Variants in NT5C3A observed in about 807,000 individuals in gnomAD.
The protein encoded by NT5C3A is cytosolic 5'-nucleotidase 3A.
A neutral mutation model predicts 40.0 loss-of-function variants in NT5C3A; 23 were observed. The ratio of observed to expected loss-of-function variants is 0.58; its 90% confidence interval spans 0.41 to 0.81. The LOEUF is 0.81. NT5C3A is among the 40% of genes least tolerant of loss of function. The pLI, the probability that NT5C3A is intolerant of heterozygous loss-of-function variation, is 0.00. For missense variants in NT5C3A, 328 were observed against 403.0 expected (o/e 0.81, Z 1.59); for synonymous variants, 130 against 141.4 (o/e 0.92, Z 0.57).
chr7:33,016,275 G>A (rs1785320867), intron 7 of NT5C3A, among the ~76,000 whole-genome samples: 1 of 151,794 alleles, frequency 6.6e-6, no homozygotes, highest in Non-Finnish European at 1.5e-5. Flanking sequence ...TCGGGAGGCT[G>A]AGGAAGGAGA....
chr7:33,052,853 T>C (rs927944479), intron 1 of NT5C3A, among the ~76,000 whole-genome samples: 3 of 152,212 alleles, frequency 2.0e-5, no homozygotes, highest in Admixed American at 2.0e-4. Context: ...TGATTGTTTG[T>C]CTGGAGTAGG....
At chr7:33,029,724 G>T (rs1786142571) in intron 1 of NT5C3A, 2 of 1,276,742 alleles carry the variant, frequency 1.6e-6, no homozygotes, top group African/African-American at 1.5e-5. Context: ...ACTAACAAAT[G>T]TAAGATTGGT....
intron 1 of NT5C3A, among the ~76,000 whole-genome samples, chr7:33,050,811 T>C (rs1283742726): frequency 6.6e-6 from 1 of 152,226 alleles, no homozygotes; most frequent in African/African-American, 2.4e-5. Context: ...TTAAATTGTA[T>C]AGATTAATGG....
intron 4 of NT5C3A, 27 bp from the exon 5 acceptor site, chr7:33,021,384 T>C: frequency 6.2e-7 from 1 of 1,604,478 alleles, no homozygotes; most frequent in East Asian, 2.2e-5. Context: ...AACTTAATCA[T>C]GAAGATTACT....
At chr7:33,029,739 T>C (rs1445555326) in intron 1 of NT5C3A, 1 of 1,255,470 alleles carries the variant, frequency 8.0e-7, no homozygotes, top group East Asian at 5.6e-5. Flanking sequence ...ATTGGTTTAT[T>C]TTATTTTTAT....
At position 33,021,274 on chromosome 7, in the gene NT5C3A, T is replaced by A. The variant is rs758967356; in HGVS notation, c.438A>T (p.Glu146Asp). 6.2e-7 allele frequency: 1 copy of A among 1,612,288 alleles called. No individual in the cohort carries two copies. Among genetic ancestry groups the A allele is most frequent in the Non-Finnish European group, 8.5e-7 (1 of 1,178,778 alleles). The change falls in exon 5 of 9, where the codon GAA becomes GAT. Residue 146 changes from glutamate to aspartate, a missense_variant and splice_region_variant. Coordinates refer to ENST00000610140, the MANE Select transcript of NT5C3A (RefSeq NM_001002010.5). ...TVEEKYPYMV[E>D]WYTKSHGLLV... ...CCTACTGCCTAATATACACTTACCA[T>A]TCCACCATATAAGGGTACTTCTCTT...
chr7:33,043,971 G>A (rs1787036600), intron 1 of NT5C3A, among the ~76,000 whole-genome samples: 1 of 151,994 alleles, frequency 6.6e-6, no homozygotes, highest in African/African-American at 2.4e-5. Context: ...GAAGTCAGGA[G>A]AAGTTAAGTC....
intron 5 of NT5C3A, among the ~76,000 whole-genome samples, chr7:33,020,859 T>G (rs1180654471): frequency 1.4e-5 from 1 of 69,760 alleles, no homozygotes. Flanking sequence ...CAGTGTGATC[T>G]GCCTGGAACA....
chr7:33,035,435 C>T (rs892635084), intron 1 of NT5C3A, among the ~76,000 whole-genome samples: 10 of 151,906 alleles, frequency 6.6e-5, no homozygotes, highest in Non-Finnish European at 1.3e-4. Context: ...CCTGGTGATC[C>T]GCCCGCCTCG....
chr7:33,047,723 A>G (rs1787212381), intron 1 of NT5C3A, among the ~76,000 whole-genome samples: 1 of 152,196 alleles, frequency 6.6e-6, no homozygotes, highest in Admixed American at 6.5e-5. Flanking sequence ...GGGTCTTTTA[A>G]GGTGGTGAAA....
At chr7:33,017,416 G>A in intron 7 of NT5C3A, 23 bp downstream of exon 7, 1 of 1,530,638 alleles carries the variant, frequency 6.5e-7, no homozygotes, top group Non-Finnish European at 9.0e-7. Context: ...TTAAAATTAT[G>A]AAGAACGATT....
intron 1 of NT5C3A, among the ~76,000 whole-genome samples, chr7:33,048,225 A>G (rs1239667971): frequency 6.6e-6 from 1 of 150,906 alleles, no homozygotes; most frequent in Non-Finnish European, 1.5e-5. Flanking sequence ...TTTGATTTTT[A>G]GTAGAGATGA....
chr7:33,056,830 A>C (rs183172493), intron 1 of NT5C3A, among the ~76,000 whole-genome samples: 72 of 152,016 alleles, frequency 4.7e-4, no homozygotes, highest in Admixed American at 8.5e-4. Context: ...GTTTTTTTTG[A>C]GATGGAGTTT....
rs75141131 is a variant in NT5C3A, at chr7:33,055,809, C to T, written c.138+6759G>A. 8.5e-3 allele frequency among the ~76,000 whole-genome samples: 1,298 copies of T among 152,248 alleles called. 23 individuals are homozygous for T. The highest frequency in any genetic ancestry group is 0.03 in the African/African-American group (1,246 of 41,540). On this transcript the variant is annotated intron_variant, in intron 1 of 8. Coordinates refer to ENST00000610140, the MANE Select transcript of NT5C3A (RefSeq NM_001002010.5). Reference sequence around the variant, plus strand: ...GGTCTCTCTTTCTCTTAGTCAAGTGCAACTAATTTTTAAAGAGACCAGCTA... The same window carrying T: ...GGTCTCTCTTTCTCTTAGTCAAGTGTAACTAATTTTTAAAGAGACCAGCTA...
At chr7:33,019,560 A>G (rs1785513334) in intron 6 of NT5C3A, 75 bp downstream of exon 6, 3 of 897,374 alleles carry the variant, frequency 3.3e-6, no homozygotes, top group Non-Finnish European at 5.6e-6. Context: ...ATTTTTAAAA[A>G]GTACAACTGA....
intron 1 of NT5C3A, among the ~76,000 whole-genome samples, chr7:33,043,768 G>GT (rs1787025673): frequency 6.6e-6 from 1 of 152,148 alleles, no homozygotes; most frequent in Admixed American, 6.5e-5. Context: ...TGTGTATGTG[G>GT]TAGGAGTGGG....
chr7:33,053,121 G>A (rs1787436665), intron 1 of NT5C3A, among the ~76,000 whole-genome samples: 1 of 152,182 alleles, frequency 6.6e-6, no homozygotes, highest in East Asian at 1.9e-4. Flanking sequence ...GGTAACCGAG[G>A]TGAAGAAAGT....
At chr7:33,032,941 C>T (rs924646228) in intron 1 of NT5C3A, among the ~76,000 whole-genome samples, 9 of 150,270 alleles carry the variant, frequency 6.0e-5, no homozygotes, top group Admixed American at 2.0e-4. Context: ...TTTGTAGAGA[C>T]GGGTCTCACT....
At chr7:33,033,488 G>A (rs540455149) in intron 1 of NT5C3A, among the ~76,000 whole-genome samples, 6 of 152,274 alleles carry the variant, frequency 3.9e-5, no homozygotes, top group African/African-American at 1.4e-4. Flanking sequence ...AAGCCGCTCT[G>A]TAAGAGATAT....
Sources: allele counts gnomAD v4.1 joint callset (sites outside exome capture counted in the v4.1 genomes callset), GRCh38; gene constraint gnomAD v4.1.1; transcripts MANE v1.5; gene names NCBI Gene and HGNC (gene_info 2026-07-23, HGNC 2026-07-21).